The following MAMDC2 variants were observed in gnomAD, a reference collection of about 807,000 sequenced individuals.
MAMDC2 encodes MAM domain-containing protein 2.
In MAMDC2, 57 loss-of-function variants were observed where a neutral mutation model predicts 89.8. The observed-to-expected ratio is 0.63, with a 90% CI of 0.51 to 0.79. The LOEUF (loss-of-function observed/expected upper bound fraction) is 0.79, where lower values mean the gene tolerates loss of function less well. MAMDC2 is among the 30% of genes least tolerant of loss of function. MAMDC2 has a pLI of 0.00. For missense variants in MAMDC2, 800 were observed against 820.6 expected, an observed-to-expected ratio of 0.97 and a Z score of 0.31; for synonymous variants, 313 against 293.4, an observed-to-expected ratio of 1.07 and a Z score of -0.68.
intron 8 of MAMDC2, among the ~76,000 whole-genome samples, chr9:70,142,193 C>A (rs1403580453): frequency 6.6e-6 from 1 of 152,122 alleles, no homozygotes; most frequent in East Asian, 1.9e-4. Flanking sequence ...CTGAGGGAAG[C>A]TGCCATTAGC....
At chr9:70,057,194 G>A (rs1827042763) in intron 2 of MAMDC2, among the ~76,000 whole-genome samples, 1 of 152,088 alleles carries the variant, frequency 6.6e-6, no homozygotes, top group African/African-American at 2.4e-5. Context: ...GCTTTAAAGA[G>A]TATTGAATTC....
intron 9 of MAMDC2, among the ~76,000 whole-genome samples, chr9:70,164,623 C>A (rs1247876443): frequency 6.6e-6 from 1 of 151,644 alleles, no homozygotes; most frequent in Non-Finnish European, 1.5e-5. Flanking sequence ...TTACTTGGCC[C>A]CTCATCTTCT....
At chr9:70,188,419 A>C (rs1001605963) in intron 11 of MAMDC2, among the ~76,000 whole-genome samples, 3 of 151,822 alleles carry the variant, frequency 2.0e-5, no homozygotes, top group African/African-American at 4.8e-5. Context: ...TTTTCATGTT[A>C]AATAGATATT....
At position 70,226,962 on chromosome 9, in the gene MAMDC2, T is replaced by C. The variant is rs1316062057; in HGVS notation, c.*930T>C. The C allele has an allele frequency of 2.6e-5, 4 of 152,042 alleles. No individual in the cohort carries two copies. The highest frequency in any genetic ancestry group is 5.9e-5 in the Non-Finnish European group (4 of 67,942). The allele number at this position is 152,042 out of a possible 1,614,324, so 9.4% of individuals were successfully genotyped here. Reference sequence around the variant, plus strand: ...TATAAAATTACCTAATAAAAATAATTTGAAAATCTTTTCACTAGCAATTAA... The same window carrying C: ...TATAAAATTACCTAATAAAAATAATCTGAAAATCTTTTCACTAGCAATTAA... On this transcript the variant is annotated 3_prime_UTR_variant, in exon 14 of 14. Coordinates refer to ENST00000377182, the MANE Select transcript of MAMDC2 (RefSeq NM_153267.5).
chr9:70,177,705 G>A (rs1040272031), intron 11 of MAMDC2, among the ~76,000 whole-genome samples: 1 of 152,096 alleles, frequency 6.6e-6, no homozygotes, highest in African/African-American at 2.4e-5. Flanking sequence ...AGTAACTGGT[G>A]GAGCAAAGAC....
At chr9:70,225,927 T>A (rs764780696) in intron 13 of MAMDC2, 41 bp from the exon 14 acceptor site, 1 of 1,456,310 alleles carries the variant, frequency 6.9e-7, no homozygotes, top group South Asian at 1.2e-5. Flanking sequence ...TATTTTTCTA[T>A]AATAAAAATA....
intron 13 of MAMDC2, 26 bp downstream of exon 13, chr9:70,225,860 G>A (rs1564006561): frequency 1.3e-6 from 2 of 1,558,478 alleles, no homozygotes; most frequent in Non-Finnish European, 1.8e-6. Context: ...AATCATATAA[G>A]CTTGACTGAA....
At chr9:70,062,115 G>T (rs572866220) in intron 2 of MAMDC2, among the ~76,000 whole-genome samples, 23 of 152,174 alleles carry the variant, frequency 1.5e-4, no homozygotes, top group Non-Finnish European at 2.9e-4. Flanking sequence ...AACTGCCATT[G>T]GTTGTCTAAG....
In MAMDC2 at chr9:70,226,705, G is replaced by A. The variant is rs2033644260; in HGVS notation, c.*673G>A. ...TTTGAACTACCTTTGAAGTCACTATGAGCACATGGATAGAAATTTAACTTT... is the reference window on the plus strand; with the variant it reads ...TTTGAACTACCTTTGAAGTCACTATAAGCACATGGATAGAAATTTAACTTT... On this transcript the variant is annotated 3_prime_UTR_variant, in exon 14 of 14. Transcript: ENST00000377182. The A allele has an allele frequency of 6.6e-6, 1 of 152,272 alleles. No homozygotes were observed. The highest frequency in any genetic ancestry group is 1.9e-4 in the East Asian group (1 of 5,206). The allele number at this position is 152,272 out of a possible 1,614,324, so 9.4% of individuals were successfully genotyped here.
At chr9:70,119,182 T>C (rs1341662285) in intron 5 of MAMDC2, among the ~76,000 whole-genome samples, 1 of 93,760 alleles carries the variant, frequency 1.1e-5, no homozygotes, top group Non-Finnish European at 1.9e-5. Context: ...CTACATACCT[T>C]AGCAAAAAAA....
intron 11 of MAMDC2, among the ~76,000 whole-genome samples, chr9:70,195,600 T>A (rs1018115020): frequency 1.1e-4 from 17 of 152,054 alleles, no homozygotes; most frequent in African/African-American, 3.9e-4. Context: ...CCCATCCTTC[T>A]CCATCCTACC....
In MAMDC2 at chr9:70,113,076, G is replaced by C. The variant is rs1828552559; in HGVS notation, c.587G>C (p.Ser196Thr). Residue 196 changes from serine (S) to threonine (T), a missense_variant, in exon 5 of 14, where the codon AGT becomes ACT. Transcript: ENST00000377182. The stretch of plus-strand genomic sequence containing the variant: ...GTGAACTGGTTTGTTGGAGGAGGAA[G>C]TATTCGGAATGTCCACTCCATTCTC... ...PNVNWFVGGG[S>T]IRNVHSILPQ... 1.2e-5 allele frequency: 19 copies of C among 1,614,040 alleles called. No individual in the cohort carries two copies. The highest frequency in any genetic ancestry group is 1.4e-5 in the Non-Finnish European group (17 of 1,180,008).
intron 1 of MAMDC2, 130 bp downstream of exon 1, chr9:70,044,361 G>A (rs980469264): frequency 2.8e-6 from 3 of 1,079,958 alleles, no homozygotes; most frequent in East Asian, 2.6e-5. Flanking sequence ...CTCCGCAGCC[G>A]CTAACTCCCT....
At chr9:70,210,264 G>A (rs2033324148) in intron 11 of MAMDC2, among the ~76,000 whole-genome samples, 2 of 136,518 alleles carry the variant, frequency 1.5e-5, no homozygotes, top group Admixed American at 1.6e-4. Context: ...TATTGTATGT[G>A]AGTCTAAGTC....
chr9:70,147,417 C>G lies in MAMDC2; in HGVS notation c.1404+3598C>G, dbSNP rs192439602. The stretch of plus-strand genomic sequence containing the variant: ...AACCTTAGCTGTGTTGGCTGACTCC[C>G]TACTATGAAAGAGAAGGAACTTATA... On this transcript the variant is annotated intron_variant, in intron 9 of 13. Transcript: ENST00000377182. Among the ~76,000 whole-genome samples, 434 of 150,224 alleles carry G rather than the reference C, an allele frequency of 2.9e-3. 19 individuals carry two copies. The highest frequency in any genetic ancestry group is 8.1e-3 in the South Asian group (38 of 4,672).
chr9:70,221,957 T>C (rs973912255), intron 12 of MAMDC2, among the ~76,000 whole-genome samples: 1 of 152,104 alleles, frequency 6.6e-6, no homozygotes, highest in Non-Finnish European at 1.5e-5. Context: ...TAAGGTAATA[T>C]TATCTGATTT....
intron 9 of MAMDC2, among the ~76,000 whole-genome samples, chr9:70,152,419 G>A (rs1251292630): frequency 1.3e-5 from 2 of 152,044 alleles, no homozygotes; most frequent in African/African-American, 4.8e-5. Context: ...CAGCTCCCTA[G>A]GAAGGAAAGC....
chr9:70,200,310 T>A (rs1192594628), intron 11 of MAMDC2, among the ~76,000 whole-genome samples: 1 of 148,206 alleles, frequency 6.7e-6, no homozygotes, highest in Non-Finnish European at 1.5e-5. Flanking sequence ...AAATAGGGAA[T>A]CCTTTCCCCA....
chr9:70,217,856 A>G (rs2033478792), intron 11 of MAMDC2, among the ~76,000 whole-genome samples: 1 of 152,244 alleles, frequency 6.6e-6, no homozygotes, highest in South Asian at 2.1e-4. Context: ...ATTCTGTAGC[A>G]TAGGTATTAA....
Sources: gnomAD v4.1 joint callset for allele counts (sites outside exome capture counted in the v4.1 genomes callset) on GRCh38, gnomAD v4.1.1 for gene constraint, MANE v1.5 for transcripts, NCBI Gene and HGNC (gene_info 2026-07-23, HGNC 2026-07-21) for gene names.